The following TMEM214 variants were observed in gnomAD, a reference collection of about 807,000 sequenced individuals.
TMEM214 encodes the protein transmembrane protein 214.
In TMEM214, 71 loss-of-function variants were observed where a neutral mutation model predicts 89.8. That is an observed-to-expected ratio of 0.79 (90% CI 0.65 to 0.96). The LOEUF is 0.96. Among genes scored for constraint, TMEM214 ranks in the 40% least tolerant of loss-of-function variants. The pLI, the probability that TMEM214 is intolerant of heterozygous loss-of-function variation, is 0.00. For synonymous variants in TMEM214, 332 were observed against 349.5 expected (o/e 0.95, Z 0.56); for missense variants, 754 against 843.4 (o/e 0.89, Z 1.31).
intron 1 of TMEM214, 49 bp downstream of exon 1, chr2:27,033,215 G>T (rs1472189153): frequency 1.6e-6 from 2 of 1,244,156 alleles, no homozygotes; most frequent in Non-Finnish European, 2.0e-6. Context: ...GTCCGGCAGG[G>T]TCGCAGCGAG....
In TMEM214 at chr2:27,037,056, C is replaced by T. The variant is rs370028016; in HGVS notation, c.909-21C>T. 19 of 1,606,586 alleles carry T rather than the reference C, an allele frequency of 1.2e-5. No individual in the cohort carries two copies. The South Asian group carries it at 1.4e-4, about 12-fold the overall frequency. On this transcript the variant is annotated intron_variant, in intron 7 of 16. Coordinates refer to ENST00000238788, the MANE Select transcript of TMEM214 (RefSeq NM_017727.5). ...GGCATGGGTGGTGGTGTCCAGCGAG[C>T]CTGTTTCTTCATCCCCACAGGATGC...
chr2:27,036,614 A>G (rs1468623759), intron 6 of TMEM214, 22 bp downstream of exon 6: 1 of 1,613,760 alleles, frequency 6.2e-7, no homozygotes, highest in South Asian at 1.1e-5. Context: ...ATAGGGAAGA[A>G]AGAGGGAGGG....
chr2:27,040,278 C>T, intron 15 of TMEM214, 67 bp from the exon 16 acceptor site: 1 of 1,608,648 alleles, frequency 6.2e-7, no homozygotes, highest in Non-Finnish European at 8.5e-7. Context: ...CACTGTGTGG[C>T]CTGAGTCTTT....
In TMEM214 at chr2:27,038,195, G is replaced by A. The variant is rs763635519; in HGVS notation, c.1202G>A (p.Ser401Asn). Reference protein sequence around the residue: ...ECLTVDPLSASVWRQLYPKHL... With the variant: ...ECLTVDPLSANVWRQLYPKHL... ...CTGACGGTGGACCCCCTCAGTGCCA[G>A]CGTCTGGAGGCAGCTGTACCCTAAG... Residue 401 changes from serine (S) to asparagine (N), a missense_variant, in exon 10 of 17, where the codon AGC (serine) becomes AAC (asparagine). Coordinates refer to ENST00000238788, the MANE Select transcript of TMEM214 (RefSeq NM_017727.5). The surrounding 1 kb of genome is among the most constrained non-coding windows in gnomAD (Gnocchi z 4.4). 1.2e-6 allele frequency: 2 copies of A among 1,614,196 alleles called. No homozygotes were observed. The highest frequency in any genetic ancestry group is 2.2e-5 in the South Asian group (2 of 91,086).
Position 27,034,152 on chromosome 2 carries a change from T to G in TMEM214, c.237T>G (p.Pro79=), listed in dbSNP as rs1239870038. 6.2e-7 allele frequency: 1 copy of G among 1,614,052 alleles called. No homozygotes were observed. The highest frequency in any genetic ancestry group is 1.3e-5 in the African/African-American group (1 of 74,910). ...KRQNKEQVPP[P]AVEPKKPGNK... is the part of the protein sequence containing the mutation. ...AGAATAAGGAGCAGGTCCCACCCCC[T>G]GCTGTGGAACCTAAGAAACCAGGGA... Residue 79 remains proline, a synonymous_variant, in exon 2 of 17, where the codon CCT becomes CCG. Coordinates refer to ENST00000238788, the MANE Select transcript of TMEM214 (RefSeq NM_017727.5).
At chr2:27,040,518 C>T (rs767325066) in intron 16 of TMEM214, 22 bp downstream of exon 16, 2 of 1,609,728 alleles carry the variant, frequency 1.2e-6, no homozygotes, top group East Asian at 2.2e-5. Context: ...GCCCAGGGCT[C>T]CGGCAGGATC....
intron 5 of TMEM214, 145 bp downstream of exon 5, chr2:27,036,197 TGTGTGCTCTGGAAACA>T: frequency 1.4e-6 from 1 of 729,630 alleles, no homozygotes; most frequent in Non-Finnish European, 2.3e-6. Flanking sequence ...CTATCCTGTG[TGTGTGCTCTGGAAACA>T]TAGGAGCAAG....
chr2:27,034,600 TC>T (rs1667465396), intron 2 of TMEM214: 2 of 218,624 alleles, frequency 9.1e-6, no homozygotes, highest in Non-Finnish European at 8.6e-6. Flanking sequence ...TCTGTTTTCC[TC>T]TTTTTTTTTT....
intron 2 of TMEM214, 82 bp downstream of exon 2, chr2:27,034,348 C>T: frequency 6.9e-7 from 1 of 1,457,776 alleles, no homozygotes. Flanking sequence ...GGTGGATGGG[C>T]AGCTGAGATC....
In TMEM214 at chr2:27,039,109, G is replaced by A; in HGVS notation, c.1470G>A (p.Leu490=). Residue 490 remains leucine (L), a synonymous_variant, in exon 13 of 17, where the codon CTG becomes CTA. Transcript: ENST00000238788. ...GGACGCGGCTCCTCCTGTTGCTGCT[G>A]GTCTTCGCTGTAGGCTTCCTGTGCC... The part of the protein sequence containing the change: ...LPWTRLLLLL[L]VFAVGFLCHD... 1 of 1,613,946 alleles carries A rather than the reference G, an allele frequency of 6.2e-7. No homozygotes were observed.
In TMEM214 at chr2:27,036,820, A is replaced by G. The variant is rs375114993; in HGVS notation, c.908+34A>G. 4 of 1,609,392 alleles carry G rather than the reference A, an allele frequency of 2.5e-6. No homozygotes were observed. In the African/African-American group the frequency reaches 5.3e-5, roughly 22 times the overall value. ...TGGGAGGGCAGCAAGGGGAAGGCTC[A>G]GGGTGTCCCAAGTGGCTGTTATAGC... On this transcript the variant is annotated intron_variant, in intron 7 of 16. Transcript: ENST00000238788.
At chr2:27,035,874 T>C (rs1409916743) in intron 4 of TMEM214, 96 bp from the exon 5 acceptor site, 42 of 1,574,888 alleles carry the variant, frequency 2.7e-5, no homozygotes, top group Non-Finnish European at 3.2e-5. Context: ...TAGGAGTCAG[T>C]GGACCTGGGG....
rs1667706304 is a variant in TMEM214 at position 27,039,142 on chromosome 2, C to G, written c.1503C>G (p.Leu501=). Residue 501 remains leucine, a synonymous_variant, in exon 13 of 17, where the codon CTC becomes CTG. Transcript: ENST00000238788. The part of the protein sequence containing the change: ...VFAVGFLCHD[L]RSHSSFQASL... Reference sequence around the variant, plus strand: ...CTGTAGGCTTCCTGTGCCATGACCTCCGGTCACACAGCTCCTTCCAGGGTA... The same window carrying G: ...CTGTAGGCTTCCTGTGCCATGACCTGCGGTCACACAGCTCCTTCCAGGGTA... 1 of 1,613,698 alleles carries G rather than the reference C, an allele frequency of 6.2e-7. No individual in the cohort carries two copies. Among genetic ancestry groups the G allele is most frequent in the East Asian group, 2.2e-5 (1 of 44,892 alleles).
chr2:27,036,290 C>G (rs1223986360), intron 5 of TMEM214, among the ~76,000 whole-genome samples, 197 bp from the exon 6 acceptor site: 5 of 152,224 alleles, frequency 3.3e-5, no homozygotes, highest in African/African-American at 1.2e-4. Context: ...AGTAACTTTC[C>G]TAGGCTCAGT....
rs1250371853 is a variant in TMEM214 at position 27,041,609 on chromosome 2, C to A, written c.*772C>A. The A allele has an allele frequency of 6.5e-6, 1 of 153,818 alleles. No individual in the cohort carries two copies. The highest frequency in any genetic ancestry group is 1.5e-5 in the Non-Finnish European group (1 of 68,086). 9.5% of individuals were successfully genotyped at this position (153,818 alleles called of 1,614,324 possible). ...AGTTGTGTGCCTTGGGCCCAGGGAA[C>A]CCTCCATCAACCTGAGACAGGACTC... On this transcript the variant is annotated 3_prime_UTR_variant, in exon 17 of 17. Transcript: ENST00000238788.
Position 27,038,389 on chromosome 2 carries a change from G to A in TMEM214, c.1245-95G>A, listed in dbSNP as rs1023950764. ...CTGCTCTGTGGGTGGTAGGTGGAGGGTCTTTCAGCCTGAAGGAGCCAGGGC... is the reference window on the plus strand; with the variant it reads ...CTGCTCTGTGGGTGGTAGGTGGAGGATCTTTCAGCCTGAAGGAGCCAGGGC... On this transcript the variant is annotated intron_variant, in intron 10 of 16. Transcript: ENST00000238788. This position sits in a 1 kb window ranked among gnomAD's most constrained non-coding sequence, Gnocchi z 4.4. The A allele has an allele frequency of 1.7e-5, 26 of 1,563,998 alleles. No homozygotes were observed. Among genetic ancestry groups the A allele is most frequent in the Non-Finnish European group, 2.3e-5 (26 of 1,136,610 alleles).
rs779949378 is a variant in TMEM214 at position 27,034,156 on chromosome 2, G to A, written c.241G>A (p.Val81Met). The change falls in exon 2 of 17, where the codon GTG (valine) becomes ATG (methionine). Residue 81 changes from valine to methionine, a missense_variant. Physicochemically the swap from Val to Met is conservative, Grantham distance 21. Transcript: ENST00000238788. ...TAAGGAGCAGGTCCCACCCCCTGCT[G>A]TGGAACCTAAGAAACCAGGGAACAA... ...QNKEQVPPPA[V>M]EPKKPGNKKQ... 6.2e-7 allele frequency: 1 copy of A among 1,614,192 alleles called. No individual in the cohort carries two copies. Among genetic ancestry groups the A allele is most frequent in the East Asian group, 2.2e-5 (1 of 44,876 alleles).
Position 27,040,174 on chromosome 2 carries a change from C to T in TMEM214, c.1767C>T (p.Asp589=). The T allele has an allele frequency of 6.2e-7, 1 of 1,605,900 alleles. No homozygotes were observed. The highest frequency in any genetic ancestry group is 8.5e-7 in the Non-Finnish European group (1 of 1,179,982). The change falls in exon 15 of 17, where the codon GAC becomes GAT. Residue 589 remains aspartate, a synonymous_variant. Coordinates refer to ENST00000238788, the MANE Select transcript of TMEM214 (RefSeq NM_017727.5). ...HCASHLAWFG[D]SLTSLSQRLQ... ...CCTCTCACCTTGCGTGGTTTGGTGA[C>T]AGTCTCACCAGTCTCTCTCAGAGGG...
At chr2:27,037,925 G>A (rs1667639556) in intron 9 of TMEM214, 1 of 1,550,158 alleles carries the variant, frequency 6.5e-7, no homozygotes, top group Non-Finnish European at 8.7e-7. Context: ...GTCTCTTGCA[G>A]ATAGTGATCT....
Sources: allele counts gnomAD v4.1 joint callset (sites outside exome capture counted in the v4.1 genomes callset), GRCh38; gene constraint gnomAD v4.1.1; non-coding constraint Gnocchi (gnomAD v3.1); transcripts MANE v1.5; gene names NCBI Gene and HGNC (gene_info 2026-07-23, HGNC 2026-07-21).